CPT1B: variants seen among roughly 807,000 people sequenced by gnomAD.
CPT1B encodes the protein carnitine O-palmitoyltransferase 1, muscle isoform.
A neutral mutation model predicts 92.7 loss-of-function variants in CPT1B; 57 were observed. That is an observed-to-expected ratio of 0.62 (90% CI 0.50 to 0.77). The LOEUF is 0.77. Ranked by LOEUF, CPT1B falls within the 30% of genes least tolerant of loss-of-function variation. The probability of loss-of-function intolerance (pLI) is 0.00; values close to 1 mark genes in which losing one functional copy is unlikely to be tolerated. For synonymous variants in CPT1B, 398 were observed against 383.5 expected (o/e 1.04, Z -0.44); for missense variants, 983 against 1,017.4 (o/e 0.97, Z 0.46).
rs780367095 is a variant in CPT1B, at chr22:50,572,895, T to C, written c.1332A>G (p.Leu444=). 2.5e-6 allele frequency: 4 copies of C among 1,608,698 alleles called. No homozygotes were observed. Among genetic ancestry groups the C allele is most frequent in the Non-Finnish European group, 3.4e-6 (4 of 1,175,592 alleles). The change falls in exon 11 of 20, where the codon CTA becomes CTG. Residue 444 remains leucine, a synonymous_variant. Coordinates refer to ENST00000312108, the MANE Select transcript of CPT1B (RefSeq NM_152246.3). ...CGTACCTGTTGTAGCAGTTGCCATG[T>C]AGCAGGGCCTTGCCATAGAGGCTGA... ...ASLSLYGKAL[L]HGNCYNRWFD...
chr22:50,571,495 C>T lies in CPT1B; in HGVS notation c.1620G>A (p.Leu540=). 1 of 1,613,560 alleles carries T rather than the reference C, an allele frequency of 6.2e-7. No individual in the cohort carries two copies. Among genetic ancestry groups the T allele is most frequent in the Non-Finnish European group, 8.5e-7 (1 of 1,180,030 alleles). Residue 540 remains leucine, a synonymous_variant, in exon 14 of 20, where the codon TTG becomes TTA. Transcript: ENST00000312108. ...IESSYQVAKA[L]ADDVELYCFQ... ...AGCAGTACAACTCCACGTCGTCTGCCAACGCCTTGGCCACCTGGTAGGAAC... is the reference window on the plus strand; with the variant it reads ...AGCAGTACAACTCCACGTCGTCTGCTAACGCCTTGGCCACCTGGTAGGAAC...
rs763034084 is a variant in CPT1B at position 50,571,050 on chromosome 22, G to A, written c.1876-7C>T. ...GATCTCGCAGGTCTGCTTTCTGCGG[G>A]GCAGAAGTAAAGGGGTGAAGAGTAG... On this transcript the variant is annotated splice_region_variant and splice_polypyrimidine_tract_variant and intron_variant, in intron 15 of 19. Transcript: ENST00000312108. 1 of 1,613,818 alleles carries A rather than the reference G, an allele frequency of 6.2e-7. No individual in the cohort carries two copies. The highest frequency in any genetic ancestry group is 8.5e-7 in the Non-Finnish European group (1 of 1,179,844).
chr22:50,577,535 C>A, intron 2 of CPT1B, 72 bp from the exon 3 acceptor site: 1 of 1,577,516 alleles, frequency 6.3e-7, no homozygotes, highest in Non-Finnish European at 8.6e-7. Context: ...GTCTTGGGAA[C>A]TGGCTCCTGG....
chr22:50,576,765 CCT>C, intron 4 of CPT1B, 90 bp downstream of exon 4: 1 of 1,565,362 alleles, frequency 6.4e-7, no homozygotes, highest in Non-Finnish European at 8.8e-7. Context: ...GCACCAGTGC[CCT>C]GTCTGCCTCT....
chr22:50,577,508 G>A (rs754610466), intron 2 of CPT1B, 45 bp from the exon 3 acceptor site: 2 of 1,606,912 alleles, frequency 1.2e-6, no homozygotes, highest in South Asian at 1.1e-5. Context: ...AAGGCGGGAG[G>A]TTAGCCTGCC....
chr22:50,572,239 C>T lies in CPT1B; in HGVS notation c.1422G>A (p.Ala474=), dbSNP rs112259265. The T allele has an allele frequency of 1.7e-3, 2,749 of 1,613,934 alleles. 44 individuals are homozygous for T. The African/African-American group carries it at 0.033, about 19-fold the overall frequency. Residue 474 remains alanine (A), a synonymous_variant, in exon 12 of 20, where the codon GCG becomes GCA. Transcript: ENST00000312108. ...NGQLGLNAEH[A]WADAPIIGHL... Reference sequence around the variant, plus strand: ...GCCCAATGATGGGAGCATCTGCCCACGCATGCTCTGCATTGAGACCCAACT... The same window carrying T: ...GCCCAATGATGGGAGCATCTGCCCATGCATGCTCTGCATTGAGACCCAACT...
intron 11 of CPT1B, 131 bp from the exon 12 acceptor site, chr22:50,572,439 T>C (rs2146620792): frequency 4.7e-6 from 3 of 642,562 alleles, no homozygotes; most frequent in South Asian, 1.9e-5. Flanking sequence ...TTTTTTTAAA[T>C]TGAGATGGAA....
Position 50,569,653 on chromosome 22 carries a change from A to G in CPT1B, c.2158T>C (p.Tyr720His). The change falls in exon 18 of 20, where the codon TAT (tyrosine) becomes CAT (histidine). Residue 720 changes from tyrosine to histidine, a missense_variant. Coordinates refer to ENST00000312108, the MANE Select transcript of CPT1B (RefSeq NM_152246.3). ...GGFGPVADDG[Y>H]GVSYMIAGEN... The stretch of plus-strand genomic sequence containing the variant: ...CCTGCAATCATGTAGGAAACTCCAT[A>G]GCCATCATCTGCTACCTGAGGGCAA... The G allele has an allele frequency of 6.2e-7, 1 of 1,613,986 alleles. No individual in the cohort carries two copies. The highest frequency in any genetic ancestry group is 8.5e-7 in the Non-Finnish European group (1 of 1,179,950).
At chr22:50,576,726 C>T in intron 4 of CPT1B, 89 bp from the exon 5 acceptor site, 3 of 1,554,494 alleles carry the variant, frequency 1.9e-6, no homozygotes, top group Non-Finnish European at 2.7e-6. Flanking sequence ...AGAGCCATCC[C>T]AGCCCCTCCA....
chr22:50,577,860 AC>A lies in CPT1B; in HGVS notation c.55del (p.Val19SerfsTer10). 1 of 1,613,358 alleles carries A rather than the reference AC, an allele frequency of 6.2e-7. No homozygotes were observed. Among genetic ancestry groups the A allele is most frequent in the Non-Finnish European group, 8.5e-7 (1 of 1,179,800 alleles). ...AFQFTVTPDG[V>X]DFRLSREALK... ...GGCCTCCCGACTGAGCCGGAAGTCG[AC>A]CCCGTCTGGGGTCACCGTGAACTGG... On this transcript the variant is annotated frameshift_variant, in exon 2 of 20. Coordinates refer to ENST00000312108, the MANE Select transcript of CPT1B (RefSeq NM_152246.3). LOFTEE classifies it high-confidence loss of function.
chr22:50,574,253 TG>T, intron 9 of CPT1B, 81 bp downstream of exon 9: 2 of 1,079,116 alleles, frequency 1.9e-6, no homozygotes, highest in Non-Finnish European at 2.8e-6. Context: ...CCTGAGACAC[TG>T]GGGACGCTTG....
chr22:50,575,269 A>G (rs1603443438), intron 7 of CPT1B, among the ~76,000 whole-genome samples: 1 of 152,304 alleles, frequency 6.6e-6, no homozygotes, highest in South Asian at 2.1e-4. Context: ...TCGGCCTCCC[A>G]AAGTGCTGGG....
At position 50,577,422 on chromosome 22, in the gene CPT1B, G is replaced by GC. The variant is rs761274241; in HGVS notation, c.182dup (p.Ser61ArgfsTer80). The GC allele has an allele frequency of 1.5e-4, 235 of 1,613,774 alleles. No homozygotes were observed. The highest frequency in any genetic ancestry group is 1.8e-4 in the Non-Finnish European group (212 of 1,180,000). ...CTGTTGCCATGATGACGACCAGCCAGCTGGTGGGGCTGCCAGGGTACACGC... is the reference window on the plus strand; with the variant it reads ...CTGTTGCCATGATGACGACCAGCCAGCCTGGTGGGGCTGCCAGGGTACACGC... On this transcript the variant is annotated frameshift_variant, in exon 3 of 20. Coordinates refer to ENST00000312108, the MANE Select transcript of CPT1B (RefSeq NM_152246.3). LOFTEE classifies it high-confidence loss of function.
chr22:50,577,950 A>G lies in CPT1B; in HGVS notation c.-19-16T>C. ...TGGTCGGCACCTAGGACGGGGGCAGATGGGTGCGCGGGCGCGCTTAGGCCG... is the reference window on the plus strand; with the variant it reads ...TGGTCGGCACCTAGGACGGGGGCAGGTGGGTGCGCGGGCGCGCTTAGGCCG... On this transcript the variant is annotated splice_polypyrimidine_tract_variant and intron_variant, in intron 1 of 19. Coordinates refer to ENST00000312108, the MANE Select transcript of CPT1B (RefSeq NM_152246.3). 6.3e-7 allele frequency: 1 copy of G among 1,589,944 alleles called. No individual in the cohort carries two copies. Among genetic ancestry groups the G allele is most frequent in the Non-Finnish European group, 8.6e-7 (1 of 1,165,464 alleles).
intron 7 of CPT1B, among the ~76,000 whole-genome samples, chr22:50,575,134 C>T (rs2070373213): frequency 6.6e-6 from 1 of 152,160 alleles, no homozygotes; most frequent in Admixed American, 6.5e-5. Flanking sequence ...CTGCCTCAGC[C>T]TCCCGAGTAG....
chr22:50,577,753 T>C lies in CPT1B; in HGVS notation c.141+22A>G, dbSNP rs773224627. On this transcript the variant is annotated intron_variant, in intron 2 of 19. Transcript: ENST00000312108. ...TGACAGCCGGCCTCTGCCTACGCTCTGGGAGAAGCACCTGTGCGCACCTTG... is the reference window on the plus strand; with the variant it reads ...TGACAGCCGGCCTCTGCCTACGCTCCGGGAGAAGCACCTGTGCGCACCTTG... The C allele has an allele frequency of 3.7e-6, 6 of 1,607,900 alleles. No individual in the cohort carries two copies. The African/African-American group carries it at 8.0e-5, about 21-fold the overall frequency.
In CPT1B at chr22:50,568,973, C is replaced by A; in HGVS notation, c.*111G>T. On this transcript the variant is annotated 3_prime_UTR_variant, in exon 20 of 20. Transcript: ENST00000312108. ...CATTTCAAAGCAGGTCACACAAGTC[C>A]CTCATGAACAGTCTTCCAGCTTCAG... The A allele has an allele frequency of 4.8e-6, 1 of 206,708 alleles. No homozygotes were observed. Among genetic ancestry groups the A allele is most frequent in the Non-Finnish European group, 9.8e-6 (1 of 101,726 alleles). 12.8% of individuals were successfully genotyped at this position (206,708 alleles called of 1,614,324 possible). A position where few individuals can be genotyped will look rare whatever the true frequency, so the allele number is the denominator to read the frequency against.
intron 11 of CPT1B, among the ~76,000 whole-genome samples, 189 bp downstream of exon 11, chr22:50,572,686 C>T (rs2269384): frequency 0.1 from 15,377 of 151,912 alleles, 1,177 homozygotes; most frequent in East Asian, 0.4. Context: ...GGTCTCGCTC[C>T]GTTGCCCAGG....
At position 50,571,485 on chromosome 22, in the gene CPT1B, C is replaced by T. The variant is rs776000774; in HGVS notation, c.1630G>A (p.Val544Met). The change falls in exon 14 of 20, where the codon GTG becomes ATG. Residue 544 changes from valine to methionine, a missense_variant. Physicochemically the swap from Val to Met is conservative, Grantham distance 21. Transcript: ENST00000312108. Reference sequence around the variant, plus strand: ...AGGAACTGGAAGCAGTACAACTCCACGTCGTCTGCCAACGCCTTGGCCACC... The same window carrying T: ...AGGAACTGGAAGCAGTACAACTCCATGTCGTCTGCCAACGCCTTGGCCACC... ...YQVAKALADD[V>M]ELYCFQFLPF... The T allele has an allele frequency of 5.6e-6, 9 of 1,613,534 alleles. No individual in the cohort carries two copies. Among genetic ancestry groups the T allele is most frequent in the East Asian group, 4.5e-5 (2 of 44,894 alleles).
Sources: allele counts gnomAD v4.1 joint callset (sites outside exome capture counted in the v4.1 genomes callset), GRCh38; gene constraint gnomAD v4.1.1; transcripts MANE v1.5; gene names NCBI Gene and HGNC (gene_info 2026-07-23, HGNC 2026-07-21).